TSHZ2: variants seen among roughly 807,000 people sequenced by gnomAD.
TSHZ2 encodes teashirt zinc finger homeobox 2, also known as teashirt homolog 2.
In TSHZ2, 21 loss-of-function variants were observed where a neutral mutation model predicts 74.4. That is an observed-to-expected ratio of 0.28 (90% CI 0.20 to 0.41). TSHZ2 has a LOEUF of 0.41. Among genes scored for constraint, TSHZ2 ranks in the 10% least tolerant of loss-of-function variants. The probability of loss-of-function intolerance (pLI) is 1.00; values close to 1 mark genes in which losing one functional copy is unlikely to be tolerated. For missense variants in TSHZ2, 1,244 were observed against 1,293.5 expected (o/e 0.96, Z 0.59); for synonymous variants, 540 against 515.3 (o/e 1.05, Z -0.65).
chr20:53,451,871 G>A (rs575810069), intron 2 of TSHZ2, among the ~76,000 whole-genome samples: 1 of 152,306 alleles, frequency 6.6e-6, no homozygotes, highest in African/African-American at 2.4e-5. Flanking sequence ...GATTCAATTG[G>A]TATTTGTGGA....
chr20:53,342,738 ATCTTTATGC>A (rs1359406631), intron 2 of TSHZ2, among the ~76,000 whole-genome samples: 7 of 152,236 alleles, frequency 4.6e-5, no homozygotes, highest in African/African-American at 1.7e-4. Flanking sequence ...GGCCTCTGCA[ATCTTTATGC>A]TCTGTCTTTC....
chr20:52,975,452 A>T (rs1178270787), intron 1 of TSHZ2, among the ~76,000 whole-genome samples: 1 of 151,982 alleles, frequency 6.6e-6, no homozygotes, highest in Non-Finnish European at 1.5e-5. Flanking sequence ...ACATTATTTA[A>T]ATCAGGTCCT....
chr20:53,280,771 C>A (rs1002796256), intron 2 of TSHZ2, among the ~76,000 whole-genome samples: 7 of 152,178 alleles, frequency 4.6e-5, no homozygotes, highest in African/African-American at 1.7e-4. Context: ...CAGCTCACTG[C>A]AACCTCCGCC....
intron 1 of TSHZ2, among the ~76,000 whole-genome samples, chr20:53,199,109 T>C (rs777360308): frequency 9.2e-5 from 14 of 152,238 alleles, no homozygotes; most frequent in Non-Finnish European, 1.6e-4. Flanking sequence ...AAGCGTTCTA[T>C]ACAAAGCCAT....
At chr20:53,441,861 C>T (rs562419147) in intron 2 of TSHZ2, among the ~76,000 whole-genome samples, 38 of 152,330 alleles carry the variant, frequency 2.5e-4, no homozygotes, top group South Asian at 1.9e-3. Context: ...GTGTTACAGG[C>T]GTGAGCCATC....
At chr20:52,979,053 A>G (rs1333502145) in intron 1 of TSHZ2, among the ~76,000 whole-genome samples, 2 of 152,204 alleles carry the variant, frequency 1.3e-5, no homozygotes, top group Non-Finnish European at 2.9e-5. Context: ...TATAGGAGGA[A>G]GTTAGTCATT....
At chr20:53,433,616 C>T (rs921039259) in intron 2 of TSHZ2, among the ~76,000 whole-genome samples, 4 of 151,442 alleles carry the variant, frequency 2.6e-5, no homozygotes, top group African/African-American at 9.7e-5. Context: ...CACACACACA[C>T]ACACACAGAA....
At chr20:53,410,393 CAG>C (rs1983010324) in intron 2 of TSHZ2, among the ~76,000 whole-genome samples, 2 of 152,076 alleles carry the variant, frequency 1.3e-5, no homozygotes, top group African/African-American at 2.4e-5. Flanking sequence ...TAAGAAAAAA[CAG>C]AGCAAATCAA....
chr20:53,420,598 C>T (rs1370792218), intron 2 of TSHZ2, among the ~76,000 whole-genome samples: 2 of 151,738 alleles, frequency 1.3e-5, no homozygotes, highest in Non-Finnish European at 2.9e-5. Flanking sequence ...TAGTGGCGGG[C>T]GCCTGTAGTC....
intron 1 of TSHZ2, among the ~76,000 whole-genome samples, chr20:53,116,444 A>G (rs900542836): frequency 2.6e-5 from 4 of 152,068 alleles, no homozygotes; most frequent in African/African-American, 9.7e-5. Flanking sequence ...TCCTGACTAC[A>G]ACCTCGCTCA....
intron 2 of TSHZ2, among the ~76,000 whole-genome samples, chr20:53,305,343 T>C (rs571816879): frequency 6.6e-6 from 1 of 152,352 alleles, no homozygotes; most frequent in South Asian, 2.1e-4. Context: ...ACATTTATTA[T>C]GCTGTAGCCC....
intron 1 of TSHZ2, among the ~76,000 whole-genome samples, chr20:53,055,008 C>A (rs79856304): frequency 0.021 from 3,169 of 152,296 alleles, 56 homozygotes; most frequent in Middle Eastern, 0.041. Context: ...ATTTATATGT[C>A]AAATCTTCTG....
chr20:53,443,846 G>C (rs1226702786), intron 2 of TSHZ2, among the ~76,000 whole-genome samples: 1 of 152,150 alleles, frequency 6.6e-6, no homozygotes, highest in Non-Finnish European at 1.5e-5. Flanking sequence ...CATGAAGCTG[G>C]AGACCCAGAA....
intron 2 of TSHZ2, among the ~76,000 whole-genome samples, chr20:53,402,455 T>C (rs1456291232): frequency 6.6e-6 from 1 of 152,162 alleles, no homozygotes; most frequent in Non-Finnish European, 1.5e-5. Context: ...CCATGCAGCC[T>C]AGGTGTGTAG....
chr20:53,435,697 T>C (rs1984029061), intron 2 of TSHZ2, among the ~76,000 whole-genome samples: 2 of 152,178 alleles, frequency 1.3e-5, no homozygotes, highest in Non-Finnish European at 2.9e-5. Flanking sequence ...GTATTTTTAG[T>C]AGAGACGTGG....
At chr20:53,466,075 C>T (rs1985549906) in intron 2 of TSHZ2, among the ~76,000 whole-genome samples, 2 of 151,714 alleles carry the variant, frequency 1.3e-5, no homozygotes, top group South Asian at 2.1e-4. Flanking sequence ...GGTGAAACCC[C>T]GTCTCTACTA....
At chr20:53,362,473 C>A (rs1046269138) in intron 2 of TSHZ2, among the ~76,000 whole-genome samples, 5 of 152,172 alleles carry the variant, frequency 3.3e-5, no homozygotes, top group Admixed American at 2.6e-4. Flanking sequence ...CCTGAGCCAC[C>A]GTGCCCGGCC....
intron 2 of TSHZ2, among the ~76,000 whole-genome samples, chr20:53,267,679 G>T (rs1468538743): frequency 6.6e-6 from 1 of 152,128 alleles, no homozygotes; most frequent in Admixed American, 6.5e-5. Context: ...TATGTTAGAT[G>T]CTTGCAATAG....
At chr20:53,473,171 T>C (rs1044812316) in intron 2 of TSHZ2, among the ~76,000 whole-genome samples, 1 of 146,306 alleles carries the variant, frequency 6.8e-6, no homozygotes, top group Non-Finnish European at 1.5e-5. Flanking sequence ...CAAGGAGTCC[T>C]GCCTGCCTCT....
Sources: gnomAD v4.1 joint callset for allele counts (sites outside exome capture counted in the v4.1 genomes callset) on GRCh38, gnomAD v4.1.1 for gene constraint, MANE v1.5 for transcripts, NCBI Gene and HGNC (gene_info 2026-07-23, HGNC 2026-07-21) for gene names.